Variants in ZBTB7C observed in about 807,000 individuals in gnomAD.
The protein encoded by ZBTB7C is zinc finger and BTB domain-containing protein 7C.
In ZBTB7C, 8 loss-of-function variants were observed where a neutral mutation model predicts 25.7. That is an observed-to-expected ratio of 0.31 (90% CI 0.18 to 0.56). ZBTB7C has a LOEUF of 0.56. Among genes scored for constraint, ZBTB7C ranks in the 20% least tolerant of loss-of-function variants. The probability of loss-of-function intolerance (pLI) is 0.91; values close to 1 mark genes in which losing one functional copy is unlikely to be tolerated. For synonymous variants in ZBTB7C, 394 were observed against 369.0 expected (o/e 1.07, Z -0.78); for missense variants, 824 against 855.2 (o/e 0.96, Z 0.46).
intron 3 of ZBTB7C, among the ~76,000 whole-genome samples, chr18:48,166,061 T>A (rs1171256678): frequency 6.6e-6 from 1 of 152,216 alleles, no homozygotes; most frequent in Admixed American, 6.5e-5. Context: ...TTTTTTAAAT[T>A]GTGGTAAATG....
At chr18:48,193,565 C>T (rs2042248800) in intron 2 of ZBTB7C, among the ~76,000 whole-genome samples, 1 of 152,190 alleles carries the variant, frequency 6.6e-6, no homozygotes, top group Non-Finnish European at 1.5e-5. Flanking sequence ...GGAAGGAACA[C>T]GCCATAGGAG....
intron 2 of ZBTB7C, among the ~76,000 whole-genome samples, chr18:48,267,302 A>G (rs964797992): frequency 6.6e-6 from 1 of 152,214 alleles, no homozygotes; most frequent in Non-Finnish European, 1.5e-5. Flanking sequence ...CCAGCATCAG[A>G]TAAGGCATGT....
At chr18:48,076,137 A>C (rs751674348) in intron 3 of ZBTB7C, among the ~76,000 whole-genome samples, 1 of 152,294 alleles carries the variant, frequency 6.6e-6, no homozygotes, top group Middle Eastern at 3.4e-3. Flanking sequence ...CTTGTCCCCA[A>C]GGCAGAGGGA....
chr18:48,224,896 C>T (rs2043051270), intron 2 of ZBTB7C, among the ~76,000 whole-genome samples: 2 of 152,232 alleles, frequency 1.3e-5, no homozygotes. Context: ...ACTCAAGCAA[C>T]TACTTTTATA....
intron 2 of ZBTB7C, among the ~76,000 whole-genome samples, chr18:48,319,935 G>T (rs1054818388): frequency 2.0e-5 from 3 of 152,274 alleles, no homozygotes; most frequent in Middle Eastern, 6.8e-3. Flanking sequence ...GCTAGAAACT[G>T]TCTGGGCCGT....
intron 2 of ZBTB7C, among the ~76,000 whole-genome samples, chr18:48,227,649 T>C (rs890238919): frequency 1.2e-4 from 18 of 152,362 alleles, no homozygotes; most frequent in African/African-American, 4.3e-4. Flanking sequence ...TTTAGAGTTT[T>C]GCTAATTCTT....
At chr18:48,306,899 G>A (rs575437419) in intron 2 of ZBTB7C, among the ~76,000 whole-genome samples, 4 of 152,270 alleles carry the variant, frequency 2.6e-5, no homozygotes, top group East Asian at 3.9e-4. Context: ...CCTTTGCATC[G>A]GAATTCTCTG....
At chr18:48,295,380 G>A (rs2045358289) in intron 2 of ZBTB7C, among the ~76,000 whole-genome samples, 1 of 152,182 alleles carries the variant, frequency 6.6e-6, no homozygotes, top group South Asian at 2.1e-4. Flanking sequence ...TTTTGTGGAG[G>A]TGGAGGTAGC....
intron 2 of ZBTB7C, among the ~76,000 whole-genome samples, chr18:48,293,891 T>C (rs2045308088): frequency 6.6e-6 from 1 of 152,240 alleles, no homozygotes; most frequent in Non-Finnish European, 1.5e-5. Flanking sequence ...GTGCTGGTAT[T>C]ACCAGCATGA....
At chr18:48,112,819 C>T (rs116910285) in intron 3 of ZBTB7C, among the ~76,000 whole-genome samples, 9 of 152,298 alleles carry the variant, frequency 5.9e-5, no homozygotes, top group East Asian at 1.9e-4. Context: ...GATTGAGGAT[C>T]GCATTCCAAG....
At chr18:48,172,280 G>C (rs2041509082) in intron 3 of ZBTB7C, among the ~76,000 whole-genome samples, 1 of 152,214 alleles carries the variant, frequency 6.6e-6, no homozygotes, top group Non-Finnish European at 1.5e-5. Context: ...GTCTGCATCA[G>C]GGGCTTCCCA....
chr18:48,276,390 A>G, intron 2 of ZBTB7C, among the ~76,000 whole-genome samples: 1 of 148,208 alleles, frequency 6.7e-6, no homozygotes, highest in African/African-American at 2.5e-5. Flanking sequence ...ATGCTGGTGC[A>G]CTGCACCCAC....
chr18:48,205,163 T>C (rs960102677), intron 2 of ZBTB7C, among the ~76,000 whole-genome samples: 4 of 152,062 alleles, frequency 2.6e-5, no homozygotes, highest in African/African-American at 9.7e-5. Context: ...CAGAAGGGGT[T>C]AGAGGACATC....
intron 1 of ZBTB7C, among the ~76,000 whole-genome samples, chr18:48,394,156 A>G (rs1487217945): frequency 6.6e-6 from 1 of 152,216 alleles, no homozygotes; most frequent in Non-Finnish European, 1.5e-5. Flanking sequence ...CTGAACTTCC[A>G]AAACCTCCAT....
chr18:48,041,941 G>A (rs1171577879), intron 3 of ZBTB7C, among the ~76,000 whole-genome samples: 2 of 152,166 alleles, frequency 1.3e-5, no homozygotes, highest in Admixed American at 6.5e-5. Context: ...CCCCTGTGGT[G>A]AGAAGCGTCT....
At chr18:48,109,553 G>C (rs1373049446) in intron 3 of ZBTB7C, among the ~76,000 whole-genome samples, 2 of 152,090 alleles carry the variant, frequency 1.3e-5, no homozygotes, top group Non-Finnish European at 2.9e-5. Flanking sequence ...ACGAAGATGA[G>C]CAAAAAAGTG....
At chr18:48,127,218 C>A (rs1160759040) in intron 3 of ZBTB7C, among the ~76,000 whole-genome samples, 1 of 152,202 alleles carries the variant, frequency 6.6e-6, no homozygotes, top group Non-Finnish European at 1.5e-5. Context: ...AAGACTTGAA[C>A]CAGGCCCTGA....
At chr18:48,401,664 G>C (rs1032038546) in intron 1 of ZBTB7C, among the ~76,000 whole-genome samples, 1 of 152,196 alleles carries the variant, frequency 6.6e-6, no homozygotes. Context: ...TAGGTTCTGG[G>C]CCCTGAGGAG....
At chr18:48,151,859 C>T (rs1278904376) in intron 3 of ZBTB7C, among the ~76,000 whole-genome samples, 1 of 152,202 alleles carries the variant, frequency 6.6e-6, no homozygotes, top group Admixed American at 6.5e-5. Context: ...CCTGGGCCTG[C>T]TCTGATCAGT....
Sources: allele counts gnomAD v4.1 joint callset (sites outside exome capture counted in the v4.1 genomes callset), GRCh38; gene constraint gnomAD v4.1.1; transcripts MANE v1.5; gene names NCBI Gene and HGNC (gene_info 2026-07-23, HGNC 2026-07-21).